The following KNCN variants were observed in gnomAD, a reference collection of about 807,000 sequenced individuals.
KNCN encodes kinocilin.
A neutral mutation model predicts 10.4 loss-of-function variants in KNCN; 11 were observed. The ratio of observed to expected loss-of-function variants is 1.06; its 90% confidence interval spans 0.67 to 1.75. The LOEUF is 1.75. KNCN is among the 40% of genes most tolerant of loss of function. The probability of loss-of-function intolerance (pLI) is 0.00; values close to 1 mark genes in which losing one functional copy is unlikely to be tolerated. For synonymous variants in KNCN, 67 were observed against 71.6 expected (o/e 0.94, Z 0.33); for missense variants, 172 against 167.1 (o/e 1.03, Z -0.16).
rs376527773 is a variant in KNCN, at chr1:46,551,078, G to A, written c.138C>T (p.Gly46=). The A allele has an allele frequency of 3.5e-5, 56 of 1,599,250 alleles. No individual in the cohort carries two copies. The highest frequency in any genetic ancestry group is 1.7e-4 in the Middle Eastern group (1 of 6,032). The change falls in exon 1 of 4, where the codon GGC becomes GGT. Residue 46 remains glycine, a synonymous_variant. Transcript: ENST00000481882. The surrounding 1 kb of genome is among the most constrained non-coding windows in gnomAD (Gnocchi z 4.0). ...GCCCCTGCTCACCCAGAACAGCAGC[G>A]CCAATAAAGACACCGCCCATGGCAG... is the stretch of plus-strand genomic sequence containing the variant. ...AAAAMGGVFI[G]AAVLGLLILA...
Position 46,547,319 on chromosome 1 carries a change from C to A in KNCN, c.*411G>T. The A allele has an allele frequency of 2.2e-6, 1 of 458,206 alleles. No individual in the cohort carries two copies. Among genetic ancestry groups the A allele is most frequent in the Non-Finnish European group, 4.4e-6 (1 of 229,306 alleles). The allele number at this position is 458,206 out of a possible 1,614,324, so 28.4% of individuals were successfully genotyped here. The stretch of plus-strand genomic sequence containing the variant: ...GTCCCTGTCTGTGGTTCTTGTGGGC[C>A]TGTGGTTCACTTCTGTAGCCGGGTT... On this transcript the variant is annotated 3_prime_UTR_variant, in exon 4 of 4. Coordinates refer to ENST00000481882, the MANE Select transcript of KNCN (RefSeq NM_001322255.2).
chr1:46,548,220 T>C (rs569866482), intron 3 of KNCN, among the ~76,000 whole-genome samples: 212 of 152,186 alleles, frequency 1.4e-3, no homozygotes, highest in South Asian at 0.011. Context: ...GAATAATAGA[T>C]GAACAGGGCT....
rs188162479 is a variant in KNCN at position 46,548,736 on chromosome 1, A to C, written c.295+457T>G. 2.0e-3 allele frequency among the ~76,000 whole-genome samples: 310 copies of C among 152,294 alleles called. 3 individuals are homozygous for C. Among genetic ancestry groups the C allele is most frequent in the Non-Finnish European group, 2.3e-3 (154 of 68,010 alleles). On this transcript the variant is annotated intron_variant, in intron 3 of 3. Coordinates refer to ENST00000481882, the MANE Select transcript of KNCN (RefSeq NM_001322255.2). ...TGGAGCAGCAAGGGTCTGACTGTGCACCTGGGGAAAGTGCCAGCAGTACCG... is the reference window on the plus strand; with the variant it reads ...TGGAGCAGCAAGGGTCTGACTGTGCCCCTGGGGAAAGTGCCAGCAGTACCG...
chr1:46,549,881 G>A (rs940042509), intron 2 of KNCN, 53 bp downstream of exon 2: 2 of 1,550,486 alleles, frequency 1.3e-6, no homozygotes, highest in Admixed American at 2.0e-5. Flanking sequence ...CACACAAAGG[G>A]TCTGGAACAG....
chr1:46,550,285 T>C (rs1368061093), intron 1 of KNCN, among the ~76,000 whole-genome samples: 1 of 152,088 alleles, frequency 6.6e-6, no homozygotes, highest in Non-Finnish European at 1.5e-5. Context: ...GGAATGAGCC[T>C]GGCTGACACC....
rs1453719657 is a variant in KNCN, at chr1:46,547,553, G to A, written c.*177C>T. 1.4e-6 allele frequency: 1 copy of A among 712,130 alleles called. No individual in the cohort carries two copies. The highest frequency in any genetic ancestry group is 2.7e-5 in the East Asian group (1 of 37,250). 44.1% of individuals were successfully genotyped at this position (712,130 alleles called of 1,614,324 possible). ...GCCCACACCAGTGGAATCCATTTTGGAGAGGCTTGGCCGGGCGAGTGCAAA... is the reference window on the plus strand; with the variant it reads ...GCCCACACCAGTGGAATCCATTTTGAAGAGGCTTGGCCGGGCGAGTGCAAA... On this transcript the variant is annotated 3_prime_UTR_variant, in exon 4 of 4. Transcript: ENST00000481882.
chr1:46,546,760 A>G lies in KNCN; in HGVS notation c.*970T>C, dbSNP rs372544463. ...AGACACTAGAGCAGGGGCAACGTTC[A>G]GTAGACTTAAGATGGTTTAATAATT... is the stretch of plus-strand genomic sequence containing the variant. On this transcript the variant is annotated 3_prime_UTR_variant, in exon 4 of 4. Coordinates refer to ENST00000481882, the MANE Select transcript of KNCN (RefSeq NM_001322255.2). 5 of 154,212 alleles carry G rather than the reference A, an allele frequency of 3.2e-5. No homozygotes were observed. The highest frequency in any genetic ancestry group is 1.9e-4 in the East Asian group (1 of 5,218). The allele number at this position is 154,212 out of a possible 1,614,324, so 9.6% of individuals were successfully genotyped here. A position where few individuals can be genotyped will look rare whatever the true frequency, so the allele number is the denominator to read the frequency against.
Position 46,547,380 on chromosome 1 carries a change from G to A in KNCN, c.*350C>T, listed in dbSNP as rs1183068045. 2 of 510,778 alleles carry A rather than the reference G, an allele frequency of 3.9e-6. No individual in the cohort carries two copies. Among genetic ancestry groups the A allele is most frequent in the East Asian group, 1.1e-4 (2 of 18,794 alleles). 31.6% of individuals were successfully genotyped at this position (510,778 alleles called of 1,614,324 possible). A position where few individuals can be genotyped will look rare whatever the true frequency, so the allele number is the denominator to read the frequency against. Reference sequence around the variant, plus strand: ...ACTGGGGCATCCTGGTCATAGTCAGGGCCTTGGACCCCAAATTCCAGAGAA... The same window carrying A: ...ACTGGGGCATCCTGGTCATAGTCAGAGCCTTGGACCCCAAATTCCAGAGAA... On this transcript the variant is annotated 3_prime_UTR_variant, in exon 4 of 4. Coordinates refer to ENST00000481882, the MANE Select transcript of KNCN (RefSeq NM_001322255.2).
chr1:46,549,520 C>T (rs536215728), intron 2 of KNCN, among the ~76,000 whole-genome samples: 1 of 152,130 alleles, frequency 6.6e-6, no homozygotes, highest in Admixed American at 6.5e-5. Context: ...ATGAGAAGCC[C>T]CATAGGATTG....
chr1:46,549,313 C>A lies in KNCN; in HGVS notation c.221-46G>T, dbSNP rs746427637. 3.4e-6 allele frequency: 5 copies of A among 1,453,688 alleles called. No individual in the cohort carries two copies. In the Admixed American group the frequency reaches 1.0e-4, roughly 30 times the overall value. The allele number at this position is 1,453,688 out of a possible 1,614,324, so 90.0% of individuals were successfully genotyped here. A position where few individuals can be genotyped will look rare whatever the true frequency, so the allele number is the denominator to read the frequency against. On this transcript the variant is annotated intron_variant, in intron 2 of 3. Coordinates refer to ENST00000481882, the MANE Select transcript of KNCN (RefSeq NM_001322255.2). ...AAGCCCCCTGATTACTGAGCCATTCCCCAAATCAAGCCTAGGTTGGGAAGG... is the reference window on the plus strand; with the variant it reads ...AAGCCCCCTGATTACTGAGCCATTCACCAAATCAAGCCTAGGTTGGGAAGG...
chr1:46,551,054 C>A lies in KNCN; in HGVS notation c.151+11G>T, dbSNP rs373421420. On this transcript the variant is annotated intron_variant, in intron 1 of 3. Coordinates refer to ENST00000481882, the MANE Select transcript of KNCN (RefSeq NM_001322255.2). This position sits in a 1 kb window ranked among gnomAD's most constrained non-coding sequence, Gnocchi z 4.0. ...ATCTCCCTTCCCTATCCCAGCCCAGCCCCTGCTCACCCAGAACAGCAGCGC... is the reference window on the plus strand; with the variant it reads ...ATCTCCCTTCCCTATCCCAGCCCAGACCCTGCTCACCCAGAACAGCAGCGC... The A allele has an allele frequency of 4.4e-5, 69 of 1,575,102 alleles. No individual in the cohort carries two copies. Among genetic ancestry groups the A allele is most frequent in the Non-Finnish European group, 5.6e-5 (65 of 1,159,722 alleles).
intron 3 of KNCN, 103 bp from the exon 4 acceptor site, chr1:46,547,912 T>A (rs1479841081): frequency 2.5e-6 from 2 of 789,464 alleles, no homozygotes; most frequent in Non-Finnish European, 3.9e-6. Flanking sequence ...GGTGCCTGGT[T>A]GACCCCAGGG....
chr1:46,547,704 G>A lies in KNCN; in HGVS notation c.*26C>T. 6.6e-7 allele frequency: 1 copy of A among 1,510,656 alleles called. No homozygotes were observed. Among genetic ancestry groups the A allele is most frequent in the Non-Finnish European group, 8.9e-7 (1 of 1,119,546 alleles). 93.6% of individuals were successfully genotyped at this position (1,510,656 alleles called of 1,614,324 possible). On this transcript the variant is annotated 3_prime_UTR_variant, in exon 4 of 4. Transcript: ENST00000481882. The stretch of plus-strand genomic sequence containing the variant: ...GCAGCAGGCAGGATGGGAGGGCAGG[G>A]CATGGGCAGCCGCTCAGACTTTGCC...
Position 46,546,927 on chromosome 1 carries a change from A to AG in KNCN, c.*802dup, listed in dbSNP as rs1394322713. 1.3e-5 allele frequency: 2 copies of AG among 157,704 alleles called. No individual in the cohort carries two copies. The highest frequency in any genetic ancestry group is 4.8e-5 in the African/African-American group (2 of 41,480). 9.8% of individuals were successfully genotyped at this position (157,704 alleles called of 1,614,324 possible). ...GGGTGTTTGATAGGCAGACAGAAGCAGGGAGGGTGCTGGAGAACACAGGGC... is the reference window on the plus strand; with the variant it reads ...GGGTGTTTGATAGGCAGACAGAAGCAGGGGAGGGTGCTGGAGAACACAGGGC... On this transcript the variant is annotated 3_prime_UTR_variant, in exon 4 of 4. Transcript: ENST00000481882.
intron 3 of KNCN, among the ~76,000 whole-genome samples, chr1:46,548,911 C>A (rs371542722): frequency 1.3e-5 from 2 of 152,102 alleles, no homozygotes; most frequent in Non-Finnish European, 2.9e-5. Context: ...GAGGCCGAGG[C>A]GGGTGGATCA....
rs961657180 is a variant in KNCN at position 46,550,154 on chromosome 1, G to A, written c.152-152C>T. On this transcript the variant is annotated intron_variant, in intron 1 of 3. Transcript: ENST00000481882. ...GACTTGGGACTGTGAGTGTGTAAAT[G>A]TGAGCCTGTGGGTGTGTGCATCTGG... is the stretch of plus-strand genomic sequence containing the variant. 4.2e-6 allele frequency: 6 copies of A among 1,442,024 alleles called. No individual in the cohort carries two copies. The African/African-American group carries it at 8.4e-5, about 20-fold the overall frequency. 89.3% of individuals were successfully genotyped at this position (1,442,024 alleles called of 1,614,324 possible). A position where few individuals can be genotyped will look rare whatever the true frequency, so the allele number is the denominator to read the frequency against.
chr1:46,547,893 CA>C, intron 3 of KNCN, 84 bp from the exon 4 acceptor site: 1 of 1,058,316 alleles, frequency 9.4e-7, no homozygotes, highest in Non-Finnish European at 1.3e-6. Context: ...CAGAGGGACC[CA>C]AGGCCGGGGT....
intron 1 of KNCN, among the ~76,000 whole-genome samples, chr1:46,550,522 TGGGCGG>T (rs1045681460): frequency 2.1e-4 from 25 of 119,280 alleles, no homozygotes; most frequent in Non-Finnish European, 2.8e-4. Context: ...GCCTTTGGCC[TGGGCGG>T]GGGCGGGGGG....
Position 46,551,245 on chromosome 1 carries a change from C to T in KNCN, c.-30G>A, listed in dbSNP as rs114820803. On this transcript the variant is annotated 5_prime_UTR_variant, in exon 1 of 4. Coordinates refer to ENST00000481882, the MANE Select transcript of KNCN (RefSeq NM_001322255.2). The surrounding 1 kb of genome is among the most constrained non-coding windows in gnomAD (Gnocchi z 4.0). ...GCCCACCCGGGGCACTGCCTCCAGC[C>T]GGTGCAGTCTGGCCCCAGAAAAGTC... is the stretch of plus-strand genomic sequence containing the variant. The T allele has an allele frequency of 0.032, 51,302 of 1,593,010 alleles. 966 individuals are homozygous for T. Among genetic ancestry groups the T allele is most frequent in the Non-Finnish European group, 0.036 (41,689 of 1,171,774 alleles).
Sources: gnomAD v4.1 joint callset for allele counts (sites outside exome capture counted in the v4.1 genomes callset) on GRCh38, gnomAD v4.1.1 for gene constraint, Gnocchi (gnomAD v3.1) non-coding constraint, MANE v1.5 for transcripts, NCBI Gene and HGNC (gene_info 2026-07-23, HGNC 2026-07-21) for gene names.